The following IGSF9B variants were observed in gnomAD, a reference collection of about 807,000 sequenced individuals.
IGSF9B encodes the protein protein turtle homolog B.
A neutral mutation model predicts 143.7 loss-of-function variants in IGSF9B; 48 were observed. The observed-to-expected ratio is 0.33, with a 90% CI of 0.26 to 0.42. The LOEUF (loss-of-function observed/expected upper bound fraction) is 0.42, where lower values mean the gene tolerates loss of function less well. Ranked by LOEUF, IGSF9B falls within the 20% of genes least tolerant of loss-of-function variation. The pLI, the probability that IGSF9B is intolerant of heterozygous loss-of-function variation, is 1.00. For missense variants in IGSF9B, 1,706 were observed against 1,980.0 expected (o/e 0.86, Z 2.63); for synonymous variants, 903 against 833.1 (o/e 1.08, Z -1.44).
rs891479954 is a variant in IGSF9B at position 133,903,371 on chromosome 11, C to G, written c.*5698G>C. The stretch of plus-strand genomic sequence containing the variant: ...GGTTAAAACTGTCCAATCTAGCTCT[C>G]CCAGCCAGGGCTCCAAAGCCGGTAG... On this transcript the variant is annotated 3_prime_UTR_variant, in exon 20 of 20. Transcript: ENST00000533871. Among the ~76,000 whole-genome samples, 3 of 152,156 alleles carry G rather than the reference C, an allele frequency of 2.0e-5. No homozygotes were observed. The highest frequency in any genetic ancestry group is 4.4e-5 in the Non-Finnish European group (3 of 68,024).
Position 133,922,158 on chromosome 11 carries a change from C to A in IGSF9B, c.2327+19G>T, listed in dbSNP as rs758495567. On this transcript the variant is annotated intron_variant, in intron 17 of 19. Transcript: ENST00000533871. ...CCTGCCATGAACAGCACAATTCTCC[C>A]AGGATCTGAGACACTTACGGAGACT... 1.2e-6 allele frequency: 2 copies of A among 1,610,338 alleles called. No homozygotes were observed. The highest frequency in any genetic ancestry group is 8.5e-7 in the Non-Finnish European group (1 of 1,177,060).
At chr11:133,952,542 C>A (rs11828269) in intron 1 of IGSF9B, among the ~76,000 whole-genome samples, 11,906 of 152,264 alleles carry the variant, frequency 0.078, 1,503 homozygotes, top group African/African-American at 0.27. Context: ...CACGTGCACA[C>A]AAACACACAG....
chr11:133,937,202 A>T (rs329636), intron 5 of IGSF9B, among the ~76,000 whole-genome samples, 174 bp downstream of exon 5: 1 of 152,030 alleles, frequency 6.6e-6, no homozygotes. Context: ...CAGCCGGTGC[A>T]GGAGCTCTGA....
chr11:133,954,324 CCCGCACATCCTGCACACGTGT>C (rs1208671685), intron 1 of IGSF9B, among the ~76,000 whole-genome samples: 1 of 152,150 alleles, frequency 6.6e-6, no homozygotes, highest in East Asian at 1.9e-4. Context: ...AGCTTTGAGG[CCCGCACATCCTGCACACGTGT>C]CCCTGGGATG....
At chr11:133,930,868 G>T in intron 11 of IGSF9B, 116 bp downstream of exon 11, 1 of 1,104,730 alleles carries the variant, frequency 9.1e-7, no homozygotes, top group Non-Finnish European at 1.3e-6. Context: ...CACTGACTTA[G>T]GAAGGGAGCC....
In IGSF9B at chr11:133,925,523, C is replaced by T. The variant is rs911328410; in HGVS notation, c.2034+216G>A. Among the ~76,000 whole-genome samples, 33 of 152,120 alleles carry T rather than the reference C, an allele frequency of 2.2e-4. 1 individual carries two copies. The highest frequency in any genetic ancestry group is 2.0e-3 in the Admixed American group (30 of 15,278). ...GGACCCTCAGTAGAACACAGGTCCC[C>T]GCTGCCCCAGAGCTGGCCCCGAGCC... On this transcript the variant is annotated intron_variant, in intron 14 of 19. Coordinates refer to ENST00000533871, the MANE Select transcript of IGSF9B (RefSeq NM_001277285.4).
At position 133,929,431 on chromosome 11, in the gene IGSF9B, C is replaced by T. The variant is rs1459403936; in HGVS notation, c.1631+240G>A. Among the ~76,000 whole-genome samples the T allele has an allele frequency of 2.6e-5, 4 of 152,146 alleles. No individual in the cohort carries two copies. The East Asian group carries it at 7.7e-4, about 29-fold the overall frequency. On this transcript the variant is annotated intron_variant, in intron 12 of 19. Coordinates refer to ENST00000533871, the MANE Select transcript of IGSF9B (RefSeq NM_001277285.4). ...GCAGCACGTGAGCAGGGAGAGGGCA[C>T]AGAGAGGCCCAGACCCCTCAGGCCA...
At chr11:133,943,731 G>A (rs329646) in intron 3 of IGSF9B, among the ~76,000 whole-genome samples, 56,735 of 152,082 alleles carry the variant, frequency 0.37, 11,708 homozygotes, top group Middle Eastern at 0.52. Flanking sequence ...ATCATCAGCT[G>A]CAGAGCTGGA....
Position 133,919,959 on chromosome 11 carries a change from C to T in IGSF9B, c.3766G>A (p.Gly1256Ser), listed in dbSNP as rs2121288700. Residue 1256 changes from glycine (G) to serine (S), a missense_variant, in exon 18 of 20, where the codon GGC becomes AGC. Coordinates refer to ENST00000533871, the MANE Select transcript of IGSF9B (RefSeq NM_001277285.4). ...CTGCGGCTGCTCTGGGAGGGGGAGC[C>T]TGTGGACGGCGTAGACTTTCGAGAA... ...SFSRKSTPST[G>S]SPSQSSRSGS... The T allele has an allele frequency of 6.4e-7, 1 of 1,563,918 alleles. No homozygotes were observed. The highest frequency in any genetic ancestry group is 8.7e-7 in the Non-Finnish European group (1 of 1,154,238).
chr11:133,918,608 G>A (rs1056689614), intron 18 of IGSF9B, among the ~76,000 whole-genome samples: 1 of 152,170 alleles, frequency 6.6e-6, no homozygotes, highest in Admixed American at 6.5e-5. Context: ...AGCAGCCCGC[G>A]GTGGGGCTGC....
chr11:133,956,561 C>T, intron 1 of IGSF9B, 130 bp downstream of exon 1: 1 of 599,928 alleles, frequency 1.7e-6, no homozygotes, highest in Non-Finnish European at 2.9e-6. Flanking sequence ...GAGCCCAAGC[C>T]TCACCCGCGG....
rs573196935 is a variant in IGSF9B at position 133,902,652 on chromosome 11, C to G, written c.*6417G>C. 6.7e-6 allele frequency among the ~76,000 whole-genome samples: 1 copy of G among 150,278 alleles called. No individual in the cohort carries two copies. The highest frequency in any genetic ancestry group is 2.4e-5 in the African/African-American group (1 of 40,876). On this transcript the variant is annotated 3_prime_UTR_variant, in exon 20 of 20. Coordinates refer to ENST00000533871, the MANE Select transcript of IGSF9B (RefSeq NM_001277285.4). ...AGACAGCTGGCTGGGGGTTAGAGAC[C>G]AGGGGGACAACCTGGTGCCTGCAGA...
chr11:133,950,696 A>G (rs1002376795), intron 1 of IGSF9B, among the ~76,000 whole-genome samples: 1 of 152,218 alleles, frequency 6.6e-6, no homozygotes, highest in Non-Finnish European at 1.5e-5. Context: ...CTAGGACCAT[A>G]GGGTGGGCCT....
chr11:133,937,339 A>G (rs778351269), intron 5 of IGSF9B, 37 bp downstream of exon 5: 1 of 1,479,258 alleles, frequency 6.8e-7, no homozygotes, highest in South Asian at 1.2e-5. Flanking sequence ...TCCCCGCGGG[A>G]GCCCAGGGTT....
In IGSF9B at chr11:133,911,918, G is replaced by C; in HGVS notation, c.4073C>G (p.Ser1358Cys). 1 of 1,534,922 alleles carries C rather than the reference G, an allele frequency of 6.5e-7. No homozygotes were observed. Residue 1358 changes from serine to cysteine, a missense_variant, in exon 19 of 20, where the codon TCC becomes TGC. Around this residue, in one of 7 missense-constraint regions of IGSF9B, gnomAD observed 880 missense variants for 762.9 expected, o/e 1.15. Coordinates refer to ENST00000533871, the MANE Select transcript of IGSF9B (RefSeq NM_001277285.4). ...TTTCTTTGACTTCGAAGAGCCCTTG[G>C]ATGACTTTTTGGGCTTCTTTATCCG... is the stretch of plus-strand genomic sequence containing the variant. ...YQRIKKPKKSSKGSSKSKKRS... is the reference protein window; with the variant it reads ...YQRIKKPKKSCKGSSKSKKRS...
At chr11:133,922,514 TG>T in intron 16 of IGSF9B, 54 bp downstream of exon 16, 1 of 1,558,606 alleles carries the variant, frequency 6.4e-7, no homozygotes, top group Non-Finnish European at 8.8e-7. Flanking sequence ...CCTCTCTTGA[TG>T]GGGGGCATTT....
In IGSF9B at chr11:133,909,166, C is replaced by T. The variant is rs889994076; in HGVS notation, c.4217G>A (p.Arg1406Gln). The T allele has an allele frequency of 1.4e-5, 22 of 1,535,746 alleles. No homozygotes were observed. The highest frequency in any genetic ancestry group is 7.3e-5 in the East Asian group (3 of 40,926). Residue 1406 changes from arginine (R) to glutamine (Q), a missense_variant, in exon 20 of 20, where the codon CGG becomes CAG. Arg to Gln is a conservative substitution (Grantham distance 43, BLOSUM62 1). Coordinates refer to ENST00000533871, the MANE Select transcript of IGSF9B (RefSeq NM_001277285.4). The surrounding 1 kb of genome is among the most constrained non-coding windows in gnomAD (Gnocchi z 4.2). ...KRHSRPDPFA[R>Q]LSDLCHRQLP... Reference sequence around the variant, plus strand: ...CTGGCGGTGGCACAAGTCTGAGAGCCGGGCAAAGGGGTCAGGACGAGAATG... The same window carrying T: ...CTGGCGGTGGCACAAGTCTGAGAGCTGGGCAAAGGGGTCAGGACGAGAATG...
chr11:133,914,551 T>C (rs1035360859), intron 18 of IGSF9B, among the ~76,000 whole-genome samples: 2 of 152,120 alleles, frequency 1.3e-5, no homozygotes, highest in Non-Finnish European at 2.9e-5. Flanking sequence ...AATGATCCAG[T>C]GACCAGAAGC....
chr11:133,940,524 T>A (rs1313172672), intron 3 of IGSF9B, among the ~76,000 whole-genome samples: 5 of 101,494 alleles, frequency 4.9e-5, no homozygotes, highest in Non-Finnish European at 9.6e-5. Context: ...CGTCATCACA[T>A]GCAAAAACAC....
Sources: allele counts gnomAD v4.1 joint callset (sites outside exome capture counted in the v4.1 genomes callset), GRCh38; gene constraint gnomAD v4.1.1; regional missense constraint gnomAD v4.1.1; non-coding constraint Gnocchi (gnomAD v3.1); transcripts MANE v1.5; gene names NCBI Gene and HGNC (gene_info 2026-07-23, HGNC 2026-07-21).